Variants in THBS1 observed in about 807,000 individuals in gnomAD.
THBS1 encodes the protein thrombospondin-1.
Under a neutral mutation model 126.1 loss-of-function variants are expected in THBS1, and 29 were observed. The ratio of observed to expected loss-of-function variants is 0.23; its 90% CI spans 0.17 to 0.31. THBS1 has a LOEUF of 0.31. THBS1 is among the 10% of genes least tolerant of loss of function. The pLI is 1.00. For synonymous variants in THBS1, 496 were observed against 577.8 expected (o/e 0.86, Z 2.03); for missense variants, 1,198 against 1,545.2 (o/e 0.78, Z 3.77).
At chr15:39,590,115 C>G in intron 13 of THBS1, 92 bp downstream of exon 13, 1 of 1,163,292 alleles carries the variant, frequency 8.6e-7, no homozygotes, top group Non-Finnish European at 1.2e-6. Context: ...AAAGTTTGGA[C>G]ATGAAACTGA....
Position 39,592,553 on chromosome 15 carries a change from A to T in THBS1, c.2533-15A>T. 1 of 1,598,574 alleles carries T rather than the reference A, an allele frequency of 6.3e-7. No individual in the cohort carries two copies. Among genetic ancestry groups the T allele is most frequent in the Non-Finnish European group, 8.5e-7 (1 of 1,169,904 alleles). On this transcript the variant is annotated splice_polypyrimidine_tract_variant and intron_variant, in intron 16 of 21. Coordinates refer to ENST00000260356, the MANE Select transcript of THBS1 (RefSeq NM_003246.4). This position sits in a 1 kb window ranked among gnomAD's most constrained non-coding sequence, Gnocchi z 4.3. ...TTATACTGCAATTTACCCTCCATTTACATCTCTCTTTCAGCTGGACTCTGA... is the reference window on the plus strand; with the variant it reads ...TTATACTGCAATTTACCCTCCATTTTCATCTCTCTTTCAGCTGGACTCTGA...
Position 39,595,457 on chromosome 15 carries a change from T to C in THBS1, c.*88T>C, listed in dbSNP as rs1160185159. On this transcript the variant is annotated 3_prime_UTR_variant, in exon 22 of 22. Coordinates refer to ENST00000260356, the MANE Select transcript of THBS1 (RefSeq NM_003246.4). ...TATGGGCTTGAGAAAACCCCCAGGATCACTTCTCCTTGGCTTCCTTCTTTT... is the reference window on the plus strand; with the variant it reads ...TATGGGCTTGAGAAAACCCCCAGGACCACTTCTCCTTGGCTTCCTTCTTTT... 1.4e-6 allele frequency: 2 copies of C among 1,455,504 alleles called. No homozygotes were observed. The highest frequency in any genetic ancestry group is 2.8e-5 in the African/African-American group (2 of 70,582). 90.2% of individuals were successfully genotyped at this position (1,455,504 alleles called of 1,614,324 possible).
Position 39,588,995 on chromosome 15 carries a change from A to G in THBS1, c.1682A>G (p.Lys561Arg). Reference sequence around the variant, plus strand: ...TCCAATCCCTGCTTTGCCGGCGTGAAGTGTACTAGCTACCCTGATGGCAGC... The same window carrying G: ...TCCAATCCCTGCTTTGCCGGCGTGAGGTGTACTAGCTACCCTGATGGCAGC... ...CLSNPCFAGV[K>R]CTSYPDGSWK... The change falls in exon 11 of 22, where the codon AAG becomes AGG. Residue 561 changes from lysine to arginine, a missense_variant. Coordinates refer to ENST00000260356, the MANE Select transcript of THBS1 (RefSeq NM_003246.4). 1 of 1,614,090 alleles carries G rather than the reference A, an allele frequency of 6.2e-7. No homozygotes were observed. The highest frequency in any genetic ancestry group is 8.5e-7 in the Non-Finnish European group (1 of 1,180,022).
At chr15:39,590,140 C>CTTTGGGAGATTT in intron 13 of THBS1, 117 bp downstream of exon 13, 3 of 997,876 alleles carry the variant, frequency 3.0e-6, no homozygotes, top group African/African-American at 1.6e-5. Flanking sequence ...TTAAATCTCC[C>CTTTGGGAGATTT]AAAGGGAGAG....
chr15:39,589,231 C>T lies in THBS1; in HGVS notation c.1803C>T (p.Asn601=). 1 of 1,614,154 alleles carries T rather than the reference C, an allele frequency of 6.2e-7. No individual in the cohort carries two copies. Among genetic ancestry groups the T allele is most frequent in the Non-Finnish European group, 8.5e-7 (1 of 1,180,042 alleles). Residue 601 remains asparagine (N), a synonymous_variant, in exon 12 of 22, where the codon AAC becomes AAT. Transcript: ENST00000260356. This position sits in a 1 kb window ranked among gnomAD's most constrained non-coding sequence, Gnocchi z 4.7. ...AAGAAGTGCCTGATGCCTGCTTCAA[C>T]CACAATGGAGAGCACCGGTGTGAGA... is the stretch of plus-strand genomic sequence containing the variant. The part of the protein sequence containing the change: ...ECKEVPDACF[N]HNGEHRCENT...
At chr15:39,587,905 GA>G in intron 8 of THBS1, 136 bp from the exon 9 acceptor site, 3 of 815,168 alleles carry the variant, frequency 3.7e-6, no homozygotes, top group Non-Finnish European at 5.7e-6. Flanking sequence ...ATGTGGCCAG[GA>G]GCCAATTTCT....
Position 39,592,289 on chromosome 15 carries a change from A to T in THBS1, c.2533-279A>T, listed in dbSNP as rs1890341680. ...ACATTTCATTTCATCTTTAGTAATTAAATATCACTCTATTTGACCTTATTT... is the reference window on the plus strand; with the variant it reads ...ACATTTCATTTCATCTTTAGTAATTTAATATCACTCTATTTGACCTTATTT... On this transcript the variant is annotated intron_variant, in intron 16 of 21. Transcript: ENST00000260356. This position sits in a 1 kb window ranked among gnomAD's most constrained non-coding sequence, Gnocchi z 4.3. Among the ~76,000 whole-genome samples, 1 of 152,256 alleles carries T rather than the reference A, an allele frequency of 6.6e-6. No individual in the cohort carries two copies. The highest frequency in any genetic ancestry group is 2.1e-4 in the South Asian group (1 of 4,836).
At position 39,588,123 on chromosome 15, in the gene THBS1, T is replaced by G. The variant is rs576307261; in HGVS notation, c.1376T>G (p.Ile459Ser). Residue 459 changes from isoleucine to serine, a missense_variant, in exon 9 of 22, where the codon ATC becomes AGC. By Grantham distance (142) the Ile-to-Ser change is moderately radical. Coordinates refer to ENST00000260356, the MANE Select transcript of THBS1 (RefSeq NM_003246.4). Reference protein sequence around the residue: ...VTCGDGVITRIRLCNSPSPQM... With the variant: ...VTCGDGVITRSRLCNSPSPQM... The stretch of plus-strand genomic sequence containing the variant: ...TGTGGTGATGGTGTGATCACAAGGA[T>G]CCGGCTCTGCAACTCTCCCAGCCCC... 6.2e-7 allele frequency: 1 copy of G among 1,614,080 alleles called. No individual in the cohort carries two copies. Among genetic ancestry groups the G allele is most frequent in the Non-Finnish European group, 8.5e-7 (1 of 1,180,036 alleles).
In THBS1 at chr15:39,581,916, G is replaced by A. The variant is rs1890115359; in HGVS notation, c.59G>A (p.Arg20His). 1.2e-6 allele frequency: 2 copies of A among 1,614,092 alleles called. No homozygotes were observed. Among genetic ancestry groups the A allele is most frequent in the Non-Finnish European group, 1.7e-6 (2 of 1,179,978 alleles). The change falls in exon 2 of 22, where the codon CGC becomes CAC. Residue 20 changes from arginine to histidine, a missense_variant. Physicochemically the swap from Arg to His is conservative, Grantham distance 29 (BLOSUM62 0). Coordinates refer to ENST00000260356, the MANE Select transcript of THBS1 (RefSeq NM_003246.4). ...LFLMHVCGTN[R>H]IPESGGDNSV... ...CTGATGCATGTGTGTGGCACCAACC[G>A]CATTCCAGGTGAGTTTGTGTGGCAC...
intron 9 of THBS1, 104 bp downstream of exon 9, chr15:39,588,322 G>T: frequency 1.4e-6 from 2 of 1,408,620 alleles, no homozygotes; most frequent in African/African-American, 2.9e-5. Flanking sequence ...GAGCAGGAAG[G>T]TTACCTACTA....
chr15:39,582,656 T>C lies in THBS1; in HGVS notation c.531T>C (p.Ala177=). The C allele has an allele frequency of 1.2e-6, 2 of 1,613,822 alleles. No individual in the cohort carries two copies. The highest frequency in any genetic ancestry group is 2.2e-5 in the East Asian group (1 of 44,874). The change falls in exon 3 of 22, where the codon GCT becomes GCC. Residue 177 remains alanine, a synonymous_variant. Coordinates refer to ENST00000260356, the MANE Select transcript of THBS1 (RefSeq NM_003246.4). The part of the protein sequence containing the change: ...LYIDCEKMEN[A]ELDVPIQSVF... Reference sequence around the variant, plus strand: ...TCGACTGTGAAAAGATGGAGAATGCTGAGTTGGACGTCCCCATCCAAAGCG... The same window carrying C: ...TCGACTGTGAAAAGATGGAGAATGCCGAGTTGGACGTCCCCATCCAAAGCG...
At chr15:39,584,571 G>T in intron 6 of THBS1, 149 bp downstream of exon 6, 10 of 1,059,734 alleles carry the variant, frequency 9.4e-6, no homozygotes, top group Non-Finnish European at 1.3e-5. Flanking sequence ...ATGCAATTAT[G>T]GCATCTATAA....
chr15:39,589,900 C>T lies in THBS1; in HGVS notation c.2022C>T (p.Tyr674=). ...NYLGHYSDPM[Y]RCECKPGYAG... The stretch of plus-strand genomic sequence containing the variant: ...TGGGCCACTATAGCGACCCCATGTA[C>T]CGCTGCGAGTGCAAGCCTGGCTACG... Residue 674 remains tyrosine (Y), a synonymous_variant, in exon 13 of 22, where the codon TAC becomes TAT. Coordinates refer to ENST00000260356, the MANE Select transcript of THBS1 (RefSeq NM_003246.4). This position sits in a 1 kb window ranked among gnomAD's most constrained non-coding sequence, Gnocchi z 4.7. 6.2e-7 allele frequency: 1 copy of T among 1,614,176 alleles called. No homozygotes were observed. Among genetic ancestry groups the T allele is most frequent in the Non-Finnish European group, 8.5e-7 (1 of 1,180,022 alleles).
At position 39,589,371 on chromosome 15, in the gene THBS1, G is replaced by A. The variant is rs190410671; in HGVS notation, c.1926+17G>A. The A allele has an allele frequency of 1.8e-3, 2,833 of 1,613,356 alleles. 32 individuals are homozygous for A. The highest frequency in any genetic ancestry group is 0.016 in the South Asian group (1,472 of 91,000). ...AACAAACAGGTACAGTCAACTAGAC[G>A]AGTAAACCAGAGGACAGGAGAGCTG... On this transcript the variant is annotated intron_variant, in intron 12 of 21. Transcript: ENST00000260356. This position sits in a 1 kb window ranked among gnomAD's most constrained non-coding sequence, Gnocchi z 4.7.
Position 39,589,212 on chromosome 15 carries a change from T to C in THBS1, c.1784T>C (p.Val595Ala). The C allele has an allele frequency of 6.2e-7, 1 of 1,614,140 alleles. No individual in the cohort carries two copies. Among genetic ancestry groups the C allele is most frequent in the Non-Finnish European group, 8.5e-7 (1 of 1,180,040 alleles). The part of the protein sequence containing the change: ...QCTDVDECKE[V>A]PDACFNHNGE... ...TTATTTCCTCCATAGTGCAAAGAAG[T>C]GCCTGATGCCTGCTTCAACCACAAT... Residue 595 changes from valine to alanine, a missense_variant, in exon 12 of 22, where the codon GTG becomes GCG. Transcript: ENST00000260356. This position sits in a 1 kb window ranked among gnomAD's most constrained non-coding sequence, Gnocchi z 4.7.
Position 39,591,762 on chromosome 15 carries a change from C to A in THBS1, c.2532+139C>A. 3.9e-6 allele frequency: 3 copies of A among 770,068 alleles called. No homozygotes were observed. In the South Asian group the frequency reaches 4.8e-5, roughly 12 times the overall value. The allele number at this position is 770,068 out of a possible 1,614,324, so 47.7% of individuals were successfully genotyped here. A position where few individuals can be genotyped will look rare whatever the true frequency, so the allele number is the denominator to read the frequency against. On this transcript the variant is annotated intron_variant, in intron 16 of 21. Transcript: ENST00000260356. ...TGGCTTCTCATAGCCAACTGGAATACGTTCATGTAAATAATTTGCCTGATG... is the reference window on the plus strand; with the variant it reads ...TGGCTTCTCATAGCCAACTGGAATAAGTTCATGTAAATAATTTGCCTGATG...
Position 39,597,280 on chromosome 15 carries a change from G to GTTTTTTTTTTTTTT in THBS1, c.*1919_*1932dup. 24 of 48,058 alleles carry GTTTTTTTTTTTTTT rather than the reference G, an allele frequency of 5.0e-4. No homozygotes were observed. The highest frequency in any genetic ancestry group is 6.9e-4 in the East Asian group (1 of 1,440). The allele number at this position is 48,058 out of a possible 1,614,324, so 3.0% of individuals were successfully genotyped here. A position where few individuals can be genotyped will look rare whatever the true frequency, so the allele number is the denominator to read the frequency against. On this transcript the variant is annotated 3_prime_UTR_variant, in exon 22 of 22. Coordinates refer to ENST00000260356, the MANE Select transcript of THBS1 (RefSeq NM_003246.4). ...GTTGGTTTTTTCTTTTTTTTGTTTTGTTTTTTTTTTTTTTTTTTTTTGCTT... is the reference window on the plus strand; with the variant it reads ...GTTGGTTTTTTCTTTTTTTTGTTTTGTTTTTTTTTTTTTTTTTTTTTTTTTTTTTTTTTTTGCTT...
chr15:39,583,578 C>A, intron 3 of THBS1, 39 bp from the exon 4 acceptor site: 1 of 1,559,106 alleles, frequency 6.4e-7, no homozygotes, highest in Non-Finnish European at 8.8e-7. Flanking sequence ...CCCCACCCCG[C>A]TCTGCATTCT....
intron 8 of THBS1, 115 bp downstream of exon 8, chr15:39,587,635 C>T: frequency 9.0e-7 from 1 of 1,116,222 alleles, no homozygotes. Flanking sequence ...CTCTGGATCC[C>T]AATCCCACTG....
Sources: allele counts gnomAD v4.1 joint callset (sites outside exome capture counted in the v4.1 genomes callset), GRCh38; gene constraint gnomAD v4.1.1; non-coding constraint Gnocchi (gnomAD v3.1); transcripts MANE v1.5; gene names NCBI Gene and HGNC (gene_info 2026-07-23, HGNC 2026-07-21).